Variants in UBE2L3 observed in about 807,000 individuals in gnomAD.
UBE2L3 encodes the protein ubiquitin-conjugating enzyme E2 L3.
A neutral mutation model predicts 17.8 loss-of-function variants in UBE2L3; 1 was observed. The ratio of observed to expected loss-of-function variants is 0.06; its 90% CI spans 0.02 to 0.27. UBE2L3 has a LOEUF of 0.27. UBE2L3 is among the 10% of genes least tolerant of loss of function. The pLI is 1.00. For synonymous variants in UBE2L3, 44 were observed against 68.5 expected, an observed-to-expected ratio of 0.64 and a Z score of 1.76; for missense variants, 40 against 192.6, an observed-to-expected ratio of 0.21 and a Z score of 4.69.
intron 1 of UBE2L3, among the ~76,000 whole-genome samples, chr22:21,577,557 A>T (rs552657280): frequency 1.4e-4 from 21 of 152,304 alleles, no homozygotes; most frequent in Middle Eastern, 3.4e-3. Context: ...GCCTCTGTTT[A>T]CAGATGAGGA....
chr22:21,556,221 A>G, intron 1 of UBE2L3, among the ~76,000 whole-genome samples: 1 of 152,010 alleles, frequency 6.6e-6, no homozygotes, highest in African/African-American at 2.4e-5. Context: ...ACATAGTGAC[A>G]CCCTGTTTCT....
At chr22:21,562,757 G>T (rs1156924411), upstream of UBE2L3, among the ~76,000 whole-genome samples, 1 of 146,242 alleles carries the variant, frequency 6.8e-6, no homozygotes, top group African/African-American at 2.5e-5. Flanking sequence ...CACCTGCCTC[G>T]GCCTCCCAAG....
In UBE2L3 at chr22:21,575,554, G is replaced by A. The variant is rs377334922; in HGVS notation, c.27+7783G>A. ...CAGTGAGCTGAGATGGTGCCACTGC[G>A]CTCCAGCCTGGGTGATAGAGCGAGA... On this transcript the variant is annotated intron_variant, in intron 1 of 3. Transcript: ENST00000342192. 2.7e-4 allele frequency among the ~76,000 whole-genome samples: 39 copies of A among 144,462 alleles called. 1 individual carries two copies. In the South Asian group the frequency reaches 8.3e-3, roughly 31 times the overall value. The allele number at this position is 144,462 out of a possible 152,430, so 94.8% of individuals were successfully genotyped here.
intron 1 of UBE2L3, among the ~76,000 whole-genome samples, chr22:21,578,068 C>T (rs890645498): frequency 6.6e-6 from 1 of 151,992 alleles, no homozygotes; most frequent in Non-Finnish European, 1.5e-5. Context: ...TCATTAAGAA[C>T]AGTCAGCGGC....
intron 2 of UBE2L3, among the ~76,000 whole-genome samples, chr22:21,607,027 A>C (rs1445913874): frequency 6.6e-6 from 1 of 152,020 alleles, no homozygotes; most frequent in Non-Finnish European, 1.5e-5. Context: ...CCTCAGCCTT[A>C]TGTCATCTTA....
At chr22:21,564,037 C>CTTTTT (rs131661), upstream of UBE2L3, among the ~76,000 whole-genome samples, 2 of 138,110 alleles carry the variant, frequency 1.4e-5, no homozygotes, top group Non-Finnish European at 3.2e-5. Context: ...TTCTTTCTTT[C>CTTTTT]TTTTTTTTTT....
intron 1 of UBE2L3, among the ~76,000 whole-genome samples, chr22:21,561,279 A>G (rs1440823384): frequency 4.6e-5 from 7 of 152,296 alleles, no homozygotes; most frequent in Non-Finnish European, 1.0e-4. Context: ...CTGCCTTTGC[A>G]CTCAAAAGGG....
chr22:21,577,343 G>A (rs1474955665), intron 1 of UBE2L3, among the ~76,000 whole-genome samples: 1 of 152,040 alleles, frequency 6.6e-6, no homozygotes, highest in Non-Finnish European at 1.5e-5. Flanking sequence ...AACCTCAGGT[G>A]ATCCGCCTGC....
At chr22:21,559,290 G>A (rs1187398547) in intron 1 of UBE2L3, among the ~76,000 whole-genome samples, 398 of 151,750 alleles carry the variant, frequency 2.6e-3, no homozygotes, top group Non-Finnish European at 4.7e-3. Flanking sequence ...GGAGGTTACA[G>A]TGAGCTGAGG....
At chr22:21,588,026 T>C (rs1928041480) in intron 1 of UBE2L3, among the ~76,000 whole-genome samples, 1 of 152,236 alleles carries the variant, frequency 6.6e-6, no homozygotes, top group Non-Finnish European at 1.5e-5. Flanking sequence ...AGAGAAGGAA[T>C]GTGTGAGCTG....
chr22:21,599,026 GAC>G (rs1928712546), intron 2 of UBE2L3, among the ~76,000 whole-genome samples: 1 of 151,546 alleles, frequency 6.6e-6, no homozygotes, highest in Non-Finnish European at 1.5e-5. Flanking sequence ...ATTTTTAGTA[GAC>G]ACAGGGTTTC....
chr22:21,571,466 T>C (rs1926959906), intron 1 of UBE2L3, among the ~76,000 whole-genome samples: 1 of 152,198 alleles, frequency 6.6e-6, no homozygotes, highest in Non-Finnish European at 1.5e-5. Context: ...TTCAGCGCGA[T>C]GGCACGATCT....
At chr22:21,576,948 C>T (rs952537176) in intron 1 of UBE2L3, among the ~76,000 whole-genome samples, 4 of 151,126 alleles carry the variant, frequency 2.6e-5, no homozygotes, top group Non-Finnish European at 5.9e-5. Context: ...GAATTACAGG[C>T]GTGTGCCACC....
chr22:21,587,899 A>G lies in UBE2L3; in HGVS notation c.28-4962A>G, dbSNP rs148348807. ...CTGGGTGGCACCCCTGGGCTTTTTC[A>G]GTTCCCCTCTATACACTGAAGTCTA... On this transcript the variant is annotated intron_variant, in intron 1 of 3. Transcript: ENST00000342192. Among the ~76,000 whole-genome samples, 501 of 152,208 alleles carry G rather than the reference A, an allele frequency of 3.3e-3. 3 individuals are homozygous for G. The highest frequency in any genetic ancestry group is 0.012 in the African/African-American group (482 of 41,512).
intron 1 of UBE2L3, among the ~76,000 whole-genome samples, chr22:21,574,690 G>A (rs553855311): frequency 6.6e-6 from 1 of 152,332 alleles, no homozygotes; most frequent in South Asian, 2.1e-4. Context: ...CTGGGGGCCA[G>A]GCGCGGTGGC....
At chr22:21,585,975 G>T (rs1927913704) in intron 1 of UBE2L3, among the ~76,000 whole-genome samples, 1 of 152,050 alleles carries the variant, frequency 6.6e-6, no homozygotes, top group South Asian at 2.1e-4. Context: ...TTGCTCTGTT[G>T]ACCAGGCTGG....
intron 2 of UBE2L3, among the ~76,000 whole-genome samples, chr22:21,602,062 T>C (rs1451399372): frequency 6.6e-6 from 1 of 151,540 alleles, no homozygotes; most frequent in African/African-American, 2.4e-5. Flanking sequence ...CTGGACTGTG[T>C]AGGGATAGGC....
chr22:21,613,397 G>C (rs1929606271), intron 3 of UBE2L3, among the ~76,000 whole-genome samples: 1 of 152,074 alleles, frequency 6.6e-6, no homozygotes, highest in African/African-American at 2.4e-5. Context: ...TGTTGACTTG[G>C]GATTTTTAAG....
chr22:21,585,726 C>T (rs1927899536), intron 1 of UBE2L3, among the ~76,000 whole-genome samples: 1 of 152,102 alleles, frequency 6.6e-6, no homozygotes, highest in Admixed American at 6.6e-5. Flanking sequence ...TAGGGACATC[C>T]TTCCAGAAGA....
Sources: allele counts gnomAD v4.1 joint callset (sites outside exome capture counted in the v4.1 genomes callset), GRCh38; gene constraint gnomAD v4.1.1; transcripts MANE v1.5; gene names NCBI Gene and HGNC (gene_info 2026-07-23, HGNC 2026-07-21).